Variants in SGIP1 observed in about 807,000 individuals in gnomAD.
SGIP1 encodes SH3-containing GRB2-like protein 3-interacting protein 1.
In SGIP1, 38 loss-of-function variants were observed where a neutral mutation model predicts 107.5. That is an observed-to-expected ratio of 0.35 (90% CI 0.27 to 0.46). The LOEUF is 0.46. SGIP1 is among the 20% of genes least tolerant of loss of function. The pLI is 1.00. For synonymous variants in SGIP1, 365 were observed against 366.1 expected (o/e 1.00, Z 0.03); for missense variants, 929 against 1,019.5 (o/e 0.91, Z 1.21).
chr1:66,719,238 A>G (rs41286720), intron 18 of SGIP1, 56 bp from the exon 19 acceptor site: 58,268 of 1,172,644 alleles, frequency 0.05, 1,646 homozygotes, highest in Non-Finnish European at 0.055. Flanking sequence ...TTAATTTCAC[A>G]TATACTAAAG....
chr1:66,547,289 G>T (rs1245899404), intron 1 of SGIP1, among the ~76,000 whole-genome samples: 1 of 152,084 alleles, frequency 6.6e-6, no homozygotes, highest in Admixed American at 6.6e-5. Context: ...AATGGGGATG[G>T]ATATATGGAA....
intron 7 of SGIP1, among the ~76,000 whole-genome samples, chr1:66,648,923 G>A (rs1182372721): frequency 6.6e-6 from 1 of 152,196 alleles, no homozygotes; most frequent in Non-Finnish European, 1.5e-5. Context: ...AAGGAAGGAT[G>A]ATAAGAATCC....
At chr1:66,702,930 T>A (rs2092109246) in intron 18 of SGIP1, among the ~76,000 whole-genome samples, 1 of 152,184 alleles carries the variant, frequency 6.6e-6, no homozygotes, top group Non-Finnish European at 1.5e-5. Flanking sequence ...ACAGGACTTC[T>A]CATCTGACTG....
At chr1:66,561,138 G>A (rs1012685270) in intron 1 of SGIP1, among the ~76,000 whole-genome samples, 39 of 151,998 alleles carry the variant, frequency 2.6e-4, no homozygotes, top group Non-Finnish European at 2.8e-4. Context: ...CTACCCAACA[G>A]GCATTGTCTC....
At chr1:66,742,413 T>C (rs2150775441) in intron 24 of SGIP1, among the ~76,000 whole-genome samples, 1 of 148,108 alleles carries the variant, frequency 6.8e-6, no homozygotes, top group Admixed American at 6.8e-5. Context: ...CCCTTTTCGC[T>C]CTCAAAAATG....
In SGIP1 at chr1:66,747,957, C is replaced by T. The variant is rs1295573250; in HGVS notation, c.*4862C>T. 1 of 151,798 alleles carries T rather than the reference C, an allele frequency of 6.6e-6. No individual in the cohort carries two copies. The highest frequency in any genetic ancestry group is 1.5e-5 in the Non-Finnish European group (1 of 67,842). 9.4% of individuals were successfully genotyped at this position (151,798 alleles called of 1,614,324 possible). A position where few individuals can be genotyped will look rare whatever the true frequency, so the allele number is the denominator to read the frequency against. ...AAACAAGAGTGATCTCTAAATATAG[C>T]TTTGAAAGTTAATATAATATGATGT... is the stretch of plus-strand genomic sequence containing the variant. On this transcript the variant is annotated 3_prime_UTR_variant, in exon 25 of 25. Coordinates refer to ENST00000371037, the MANE Select transcript of SGIP1 (RefSeq NM_032291.4).
rs775058138 is a variant in SGIP1, at chr1:66,682,028, C to CGGAG, written c.975_978dup (p.Leu327GlyfsTer20). 6.2e-7 allele frequency: 1 copy of CGGAG among 1,614,172 alleles called. No individual in the cohort carries two copies. Among genetic ancestry groups the CGGAG allele is most frequent in the Non-Finnish European group, 8.5e-7 (1 of 1,180,022 alleles). On this transcript the variant is annotated frameshift_variant, in exon 15 of 25. Coordinates refer to ENST00000371037, the MANE Select transcript of SGIP1 (RefSeq NM_032291.4). LOFTEE classifies it high-confidence loss of function. The stretch of plus-strand genomic sequence containing the variant: ...GATACATCCCCGGAACATGTTACTC[C>CGGAG]GGAGTTGACTCCAAGGGAAAAAGTG...
At chr1:66,667,460 C>G in intron 8 of SGIP1, 70 bp from the exon 9 acceptor site, 1 of 1,433,154 alleles carries the variant, frequency 7.0e-7, no homozygotes, top group Non-Finnish European at 9.8e-7. Flanking sequence ...CTTCTGTTAC[C>G]CAAGACTGTT....
chr1:66,563,326 G>A (rs760154303), intron 1 of SGIP1, among the ~76,000 whole-genome samples: 1 of 151,910 alleles, frequency 6.6e-6, no homozygotes, highest in Non-Finnish European at 1.5e-5. Flanking sequence ...TCTGACTCCC[G>A]GGTTATTTGG....
chr1:66,538,937 T>C (rs550971575), intron 1 of SGIP1, among the ~76,000 whole-genome samples: 37 of 152,304 alleles, frequency 2.4e-4, no homozygotes, highest in African/African-American at 7.5e-4. Flanking sequence ...TCAAATACTT[T>C]AGGTATTTTC....
At chr1:66,569,911 C>T (rs2060150878) in intron 1 of SGIP1, among the ~76,000 whole-genome samples, 1 of 151,698 alleles carries the variant, frequency 6.6e-6, no homozygotes, top group African/African-American at 2.4e-5. Context: ...TAGATATAGA[C>T]TTATTCAAAT....
At chr1:66,611,262 T>A (rs2067940652) in intron 1 of SGIP1, among the ~76,000 whole-genome samples, 1 of 152,242 alleles carries the variant, frequency 6.6e-6, no homozygotes, top group African/African-American at 2.4e-5. Flanking sequence ...TTTGTGGATA[T>A]GAATACTGAG....
Position 66,743,146 on chromosome 1 carries a change from A to G in SGIP1, c.*51A>G. The G allele has an allele frequency of 6.3e-7, 1 of 1,594,496 alleles. No homozygotes were observed. The highest frequency in any genetic ancestry group is 1.7e-5 in the Admixed American group (1 of 59,238). The stretch of plus-strand genomic sequence containing the variant: ...GATTCATATAATGGAGAACTGATGT[A>G]TGAGAAACAGATTTTAATTTTGGTT... On this transcript the variant is annotated 3_prime_UTR_variant, in exon 25 of 25. Transcript: ENST00000371037.
At chr1:66,591,970 C>A (rs10789209) in intron 1 of SGIP1, among the ~76,000 whole-genome samples, 20,382 of 152,240 alleles carry the variant, frequency 0.13, 1,420 homozygotes, top group Admixed American at 0.18. Context: ...GTCTCACCTC[C>A]AGCCATAAGG....
At chr1:66,576,579 C>T (rs2061097522) in intron 1 of SGIP1, among the ~76,000 whole-genome samples, 1 of 152,192 alleles carries the variant, frequency 6.6e-6, no homozygotes, top group Non-Finnish European at 1.5e-5. Flanking sequence ...CTTATTACCT[C>T]AACCTTTAAT....
At position 66,630,851 on chromosome 1, in the gene SGIP1, GAA is replaced by G. The variant is rs543872019; in HGVS notation, c.75-2217_75-2216del. On this transcript the variant is annotated intron_variant, in intron 2 of 24. Coordinates refer to ENST00000371037, the MANE Select transcript of SGIP1 (RefSeq NM_032291.4). ...AGAAAGAAAGAAAGAAAGAAAGAAAGAAAGAAAGAAAGAAAGAAAGAAAGAAA... is the reference window on the plus strand; with the variant it reads ...AGAAAGAAAGAAAGAAAGAAAGAAAGAGAAAGAAAGAAAGAAAGAAAGAAA... 3.6e-3 allele frequency among the ~76,000 whole-genome samples: 76 copies of G among 21,048 alleles called. 2 individuals carry two copies. Among genetic ancestry groups the G allele is most frequent in the East Asian group, 0.024 (4 of 170 alleles). The allele number at this position is 21,048 out of a possible 152,430, so 13.8% of individuals were successfully genotyped here. A position where few individuals can be genotyped will look rare whatever the true frequency, so the allele number is the denominator to read the frequency against.
At chr1:66,567,636 G>T (rs1381063139) in intron 1 of SGIP1, among the ~76,000 whole-genome samples, 1 of 152,034 alleles carries the variant, frequency 6.6e-6, no homozygotes, top group Admixed American at 6.6e-5. Flanking sequence ...TATGGTTTTA[G>T]GTTTTACATT....
At chr1:66,553,690 A>T (rs1033517440) in intron 1 of SGIP1, among the ~76,000 whole-genome samples, 2 of 150,586 alleles carry the variant, frequency 1.3e-5, no homozygotes, top group African/African-American at 2.4e-5. Flanking sequence ...AAAAAAAAAA[A>T]TGAGACCAAG....
intron 17 of SGIP1, chr1:66,694,343 C>A: frequency 1.0e-6 from 1 of 988,818 alleles, no homozygotes; most frequent in Non-Finnish European, 1.5e-6. Flanking sequence ...TAAAATCATT[C>A]CTGTGTTTCA....
Sources: gnomAD v4.1 joint callset for allele counts (sites outside exome capture counted in the v4.1 genomes callset) on GRCh38, gnomAD v4.1.1 for gene constraint, MANE v1.5 for transcripts, NCBI Gene and HGNC (gene_info 2026-07-23, HGNC 2026-07-21) for gene names.